The following PCDH11X variants were observed in gnomAD, a reference collection of about 807,000 sequenced individuals.
The protein encoded by PCDH11X is protocadherin 11 X-linked.
Under a neutral mutation model 53.3 loss-of-function variants are expected in PCDH11X, and 18 were observed. That is an observed-to-expected ratio of 0.34 (90% CI 0.23 to 0.50). The LOEUF is 0.50. Ranked by LOEUF, PCDH11X falls within the 20% of genes least tolerant of loss-of-function variation. The pLI, the probability that PCDH11X is intolerant of heterozygous loss-of-function variation, is 0.98. For missense variants in PCDH11X, 570 were observed against 1,032.4 expected (o/e 0.55, Z 6.14); for synonymous variants, 279 against 393.3 (o/e 0.71, Z 3.44).
chrX:92,106,839 A>G (rs974613184), intron 6 of PCDH11X, among the ~76,000 whole-genome samples: 6 of 111,688 alleles, frequency 5.4e-5, no homozygotes, highest in African/African-American at 2.0e-4. Flanking sequence ...AGGGCATTCC[A>G]CAGTTAACCT....
intron 1 of PCDH11X, among the ~76,000 whole-genome samples, chrX:91,791,465 C>T (rs72605161): frequency 0.32 from 33,614 of 105,788 alleles, 4,816 homozygotes; most frequent in African/African-American, 0.51. Flanking sequence ...AACCAGAACT[C>T]GTGAGAACTC....
chrX:91,962,957 A>G (rs111931024), intron 6 of PCDH11X, among the ~76,000 whole-genome samples: 1,574 of 110,393 alleles, frequency 0.014, 38 homozygotes, highest in African/African-American at 0.05. Flanking sequence ...GACTACACAA[A>G]GCAGCAAGGC....
At chrX:92,227,154 T>C (rs1231611577) in intron 7 of PCDH11X, among the ~76,000 whole-genome samples, 1 of 111,756 alleles carries the variant, frequency 8.9e-6, no homozygotes, top group African/African-American at 3.2e-5. Flanking sequence ...AGTGCACTTA[T>C]AGTGTCTGCA....
chrX:92,084,012 C>T (rs35214121), intron 6 of PCDH11X, among the ~76,000 whole-genome samples: 5 of 109,208 alleles, frequency 4.6e-5, no homozygotes, highest in African/African-American at 1.0e-4. Context: ...TACTTGAACC[C>T]GGGAGGCAGA....
At chrX:92,094,999 G>A (rs2064112664) in intron 6 of PCDH11X, among the ~76,000 whole-genome samples, 2 of 110,843 alleles carry the variant, frequency 1.8e-5, no homozygotes, top group South Asian at 7.6e-4. Flanking sequence ...AGTATACATG[G>A]TAATATATGC....
intron 8 of PCDH11X, among the ~76,000 whole-genome samples, chrX:92,366,262 G>A (rs1299445213): frequency 9.0e-6 from 1 of 111,241 alleles, no homozygotes; most frequent in Non-Finnish European, 1.9e-5. Context: ...AGATTTTCTG[G>A]TTTATTTGCA....
chrX:92,218,916 C>T (rs1166001685), intron 7 of PCDH11X, among the ~76,000 whole-genome samples: 1 of 111,403 alleles, frequency 9.0e-6, no homozygotes, highest in African/African-American at 3.3e-5. Context: ...AAATGTAATC[C>T]AGCATATAAA....
chrX:92,163,184 G>GC (rs2065671920), intron 6 of PCDH11X, among the ~76,000 whole-genome samples: 3 of 109,674 alleles, frequency 2.7e-5, no homozygotes, highest in South Asian at 4.0e-4. Flanking sequence ...CTCCCACCGT[G>GC]CCCCCCGCCA....
intron 6 of PCDH11X, chrX:92,113,546 T>A: frequency 8.3e-7 from 1 of 1,199,856 alleles, no homozygotes. Flanking sequence ...TTTTGGTCCA[T>A]ATCTCCATGC....
At chrX:92,302,745 A>C (rs1175795167) in intron 8 of PCDH11X, among the ~76,000 whole-genome samples, 2 of 107,489 alleles carry the variant, frequency 1.9e-5, no homozygotes, top group African/African-American at 6.8e-5. Flanking sequence ...GGTTTTAAAG[A>C]ATAGTTCCAG....
chrX:92,320,553 T>A (rs1265920049), intron 8 of PCDH11X, among the ~76,000 whole-genome samples: 1 of 111,300 alleles, frequency 9.0e-6, no homozygotes, highest in Non-Finnish European at 1.9e-5. Flanking sequence ...TAAATACAGT[T>A]CTAAAAAGTT....
At chrX:92,171,917 C>T (rs2065831794) in intron 6 of PCDH11X, among the ~76,000 whole-genome samples, 1 of 111,876 alleles carries the variant, frequency 8.9e-6, no homozygotes, top group Non-Finnish European at 1.9e-5. Context: ...TTCCAGTGTA[C>T]AAGCTTTGCC....
intron 6 of PCDH11X, among the ~76,000 whole-genome samples, chrX:92,148,117 TC>T (rs767354653): frequency 1.2e-4 from 2 of 16,323 alleles, no homozygotes; most frequent in Non-Finnish European, 1.0e-4. Context: ...TTTCTTTCTT[TC>T]TTTCTTTCTT....
intron 8 of PCDH11X, among the ~76,000 whole-genome samples, chrX:92,309,232 A>T (rs1030405196): frequency 2.7e-5 from 3 of 112,436 alleles, no homozygotes; most frequent in Non-Finnish European, 3.8e-5. Flanking sequence ...GAGATGGAAG[A>T]AATATATGTG....
At chrX:92,223,062 T>C (rs938617705) in intron 7 of PCDH11X, among the ~76,000 whole-genome samples, 5 of 112,290 alleles carry the variant, frequency 4.5e-5, no homozygotes, top group African/African-American at 1.6e-4. Context: ...CATAGCTCAC[T>C]GCAGCCTCCA....
At chrX:92,033,755 C>T (rs1007662339) in intron 6 of PCDH11X, among the ~76,000 whole-genome samples, 11 of 110,249 alleles carry the variant, frequency 1.0e-4, no homozygotes, top group South Asian at 3.8e-4. Context: ...ATTTCTCCTC[C>T]GATCTTTATT....
chrX:92,114,587 T>C (rs2064597139), intron 6 of PCDH11X: 1 of 406,572 alleles, frequency 2.5e-6, no homozygotes, highest in Non-Finnish European at 4.3e-6. Flanking sequence ...AAAATCACTT[T>C]CCTAAAGGCA....
chrX:91,912,858 C>T (rs911197591), intron 6 of PCDH11X, among the ~76,000 whole-genome samples: 3 of 111,734 alleles, frequency 2.7e-5, no homozygotes, highest in Non-Finnish European at 3.8e-5. Flanking sequence ...ACAAAACAGG[C>T]GAAAAACTGT....
intron 6 of PCDH11X, among the ~76,000 whole-genome samples, chrX:91,963,633 C>G (rs1433745262): frequency 9.0e-6 from 1 of 111,415 alleles, no homozygotes; most frequent in Non-Finnish European, 1.9e-5. Context: ...TTTCCAAAAT[C>G]GCTTCCACAT....
Sources: allele counts gnomAD v4.1 joint callset (sites outside exome capture counted in the v4.1 genomes callset), GRCh38; gene constraint gnomAD v4.1.1; transcripts MANE v1.5; gene names NCBI Gene and HGNC (gene_info 2026-07-23, HGNC 2026-07-21).